The following ABCA4 variants were observed in gnomAD, a reference collection of about 807,000 sequenced individuals.
ABCA4 encodes ATP binding cassette subfamily A member 4, also known as retinal-specific phospholipid-transporting ATPase ABCA4.
A neutral mutation model predicts 263.7 loss-of-function variants in ABCA4; 196 were observed. That is an observed-to-expected ratio of 0.74 (90% CI 0.66 to 0.84). The LOEUF (loss-of-function observed/expected upper bound fraction) is 0.84, where lower values mean the gene tolerates loss of function less well. Among genes scored for constraint, ABCA4 ranks in the 40% least tolerant of loss-of-function variants. The probability of loss-of-function intolerance (pLI) is 0.00; values close to 1 mark genes in which losing one functional copy is unlikely to be tolerated. For missense variants in ABCA4, 2,792 were observed against 2,855.1 expected (o/e 0.98, Z 0.50); for synonymous variants, 1,133 against 1,094.2 (o/e 1.04, Z -0.70).
intron 30 of ABCA4, chr1:94,025,549 C>A: frequency 5.6e-6 from 1 of 179,618 alleles, no homozygotes; most frequent in South Asian, 1.2e-4. Flanking sequence ...GGCCCTGCCC[C>A]TCTCTGAGCT....
At chr1:94,026,204 A>G (rs1660035399) in intron 30 of ABCA4, among the ~76,000 whole-genome samples, 1 of 151,776 alleles carries the variant, frequency 6.6e-6, no homozygotes, top group Admixed American at 6.6e-5. Flanking sequence ...CTTTTCATAC[A>G]CTTTCTATCT....
chr1:94,017,127 T>G (rs1283330134), intron 36 of ABCA4, among the ~76,000 whole-genome samples: 1 of 152,174 alleles, frequency 6.6e-6, no homozygotes, highest in African/African-American at 2.4e-5. Context: ...AATGGATGAA[T>G]AAATGGAAAA....
chr1:94,013,620 A>G (rs1464061611), intron 38 of ABCA4, among the ~76,000 whole-genome samples: 2 of 151,974 alleles, frequency 1.3e-5, no homozygotes, highest in Non-Finnish European at 2.9e-5. Flanking sequence ...AGTGTGGAGT[A>G]AAGACAGCCC....
rs1427340494 is a variant in ABCA4 at position 94,121,118 on chromosome 1, A to G, written c.-73T>C. ...GACAGCAAAGGACATAAACGCCGTT[A>G]AGAGCGCCTCTGGCTCCGGACGCTG... On this transcript the variant is annotated 5_prime_UTR_variant, in exon 1 of 50. Transcript: ENST00000370225. 8 of 1,424,616 alleles carry G rather than the reference A, an allele frequency of 5.6e-6. No individual in the cohort carries two copies. Among genetic ancestry groups the G allele is most frequent in the Non-Finnish European group, 7.9e-6 (8 of 1,007,398 alleles). 88.2% of individuals were successfully genotyped at this position (1,424,616 alleles called of 1,614,324 possible).
chr1:94,046,808 AT>A, intron 19 of ABCA4, 110 bp downstream of exon 19: 1 of 1,402,082 alleles, frequency 7.1e-7, no homozygotes, highest in South Asian at 1.2e-5. Context: ...GGGGCCGCAA[AT>A]ATTTGTCACT....
intron 16 of ABCA4, among the ~76,000 whole-genome samples, chr1:94,053,227 G>A (rs1045575936): frequency 5.3e-5 from 8 of 152,184 alleles, no homozygotes; most frequent in Admixed American, 6.5e-5. Flanking sequence ...CAGGATTTTG[G>A]CAAAAGTGTG....
At chr1:94,060,495 C>A (rs1464036233) in intron 14 of ABCA4, 42 bp downstream of exon 14, 3 of 1,581,730 alleles carry the variant, frequency 1.9e-6, no homozygotes, top group African/African-American at 2.7e-5. Context: ...GGAAAGGAAC[C>A]AAAGTATTCA....
intron 13 of ABCA4, 59 bp downstream of exon 13, chr1:94,062,518 G>A (rs964363515): frequency 1.6e-5 from 14 of 858,154 alleles, no homozygotes; most frequent in Admixed American, 5.6e-5. Context: ...GCCCACCCCA[G>A]CCCACTCCAG....
At chr1:94,044,130 CTTCCTCCCTTCCT>C (rs1203009192) in intron 20 of ABCA4, among the ~76,000 whole-genome samples, 3 of 36,948 alleles carry the variant, frequency 8.1e-5, no homozygotes, top group African/African-American at 1.9e-4. Flanking sequence ...TCCTCCCTTC[CTTCCTCCCTTCCT>C]TTTTTTTCTT....
chr1:94,021,448 A>G, intron 34 of ABCA4, 39 bp from the exon 35 acceptor site: 2 of 1,612,916 alleles, frequency 1.2e-6, no homozygotes, highest in Non-Finnish European at 1.7e-6. Flanking sequence ...CTGCACTAAC[A>G]GCTAGTTAAA....
chr1:94,000,837 T>C lies in ABCA4; in HGVS notation c.6478A>G (p.Lys2160Glu), dbSNP rs1571241930. The change falls in exon 47 of 50, where the codon AAA (lysine) becomes GAA (glutamate). Residue 2160 changes from lysine (K) to glutamate (E), a missense_variant and splice_region_variant. Physicochemically the swap from Lys to Glu is moderately conservative, Grantham distance 56 (BLOSUM62 1). Coordinates refer to ENST00000370225, the MANE Select transcript of ABCA4 (RefSeq NM_000350.3). The part of the protein sequence containing the change: ...CMGTIQHLKS[K>E]FGDGYIVTMK... ...GGGCACGCCCCACCATCTGCTTACTTGGACTTGAGATGCTGAATGGTGCCC... is the reference window on the plus strand; with the variant it reads ...GGGCACGCCCCACCATCTGCTTACTCGGACTTGAGATGCTGAATGGTGCCC... The C allele has an allele frequency of 1.9e-6, 3 of 1,614,148 alleles. No homozygotes were observed. Among genetic ancestry groups the C allele is most frequent in the Non-Finnish European group, 2.5e-6 (3 of 1,180,002 alleles).
At chr1:94,029,369 T>A (rs1285024388) in intron 30 of ABCA4, 76 bp downstream of exon 30, 25 of 1,323,270 alleles carry the variant, frequency 1.9e-5, no homozygotes, top group Non-Finnish European at 1.0e-6. Context: ...TGTGAGAGAC[T>A]CAGGAGATAC....
chr1:94,082,778 A>T (rs2101110578), intron 7 of ABCA4, among the ~76,000 whole-genome samples: 1 of 152,296 alleles, frequency 6.6e-6, no homozygotes, highest in East Asian at 1.9e-4. Flanking sequence ...TGTGTTCATC[A>T]TCATATCCCC....
intron 4 of ABCA4, among the ~76,000 whole-genome samples, chr1:94,105,984 C>T (rs575750239): frequency 7.9e-5 from 12 of 152,322 alleles, no homozygotes; most frequent in South Asian, 2.1e-4. Context: ...AGCAGCGCCC[C>T]GGTGAATCTC....
At chr1:94,013,393 T>C (rs570536559) in intron 38 of ABCA4, among the ~76,000 whole-genome samples, 42 of 152,318 alleles carry the variant, frequency 2.8e-4, no homozygotes, top group Admixed American at 8.5e-4. Flanking sequence ...CGCACAGATT[T>C]GTCCTGTGTT....
At position 94,031,985 on chromosome 1, in the gene ABCA4, T is replaced by C; in HGVS notation, c.3921A>G (p.Arg1307=). ...VNPRHPCLGP[R]EKAGQTPQDS... Reference sequence around the variant, plus strand: ...CCTGGGGTGTCTGTCCAGCCTTCTCTCTGGGACCCAAGCAGGGGTGTCGGG... The same window carrying C: ...CCTGGGGTGTCTGTCCAGCCTTCTCCCTGGGACCCAAGCAGGGGTGTCGGG... Residue 1307 remains arginine, a synonymous_variant, in exon 27 of 50, where the codon AGA becomes AGG. Coordinates refer to ENST00000370225, the MANE Select transcript of ABCA4 (RefSeq NM_000350.3). The C allele has an allele frequency of 6.2e-7, 1 of 1,613,962 alleles. No individual in the cohort carries two copies. Among genetic ancestry groups the C allele is most frequent in the African/African-American group, 1.3e-5 (1 of 74,998 alleles).
At chr1:94,105,979 C>A (rs144085960) in intron 4 of ABCA4, among the ~76,000 whole-genome samples, 2 of 152,326 alleles carry the variant, frequency 1.3e-5, no homozygotes, top group Admixed American at 1.3e-4. Flanking sequence ...CAGTGAGCAG[C>A]GCCCCGGTGA....
rs893122698 is a variant in ABCA4, at chr1:93,996,927, G to A, written c.6730-732C>T. On this transcript the variant is annotated intron_variant, in intron 48 of 49. Coordinates refer to ENST00000370225, the MANE Select transcript of ABCA4 (RefSeq NM_000350.3). ...CACTGTATGATTCCACTTATATGAG[G>A]TATCTATAGTAGTCAGAGCCTTAGA... Among the ~76,000 whole-genome samples, 13 of 152,190 alleles carry A rather than the reference G, an allele frequency of 8.5e-5. 1 individual carries two copies. The highest frequency in any genetic ancestry group is 8.5e-4 in the Admixed American group (13 of 15,280).
At chr1:94,033,825 A>C (rs1381968782) in intron 26 of ABCA4, among the ~76,000 whole-genome samples, 1 of 151,878 alleles carries the variant, frequency 6.6e-6, no homozygotes, top group Non-Finnish European at 1.5e-5. Flanking sequence ...CCAGAGCCCC[A>C]GTTCTGCAGG....
Sources: gnomAD v4.1 joint callset for allele counts (sites outside exome capture counted in the v4.1 genomes callset) on GRCh38, gnomAD v4.1.1 for gene constraint, MANE v1.5 for transcripts, NCBI Gene and HGNC (gene_info 2026-07-23, HGNC 2026-07-21) for gene names.